RAI1: variants seen among roughly 807,000 people sequenced by gnomAD.
The protein encoded by RAI1 is retinoic acid induced 1.
RAI1 carries 9 observed loss-of-function variants against 123.8 expected under a neutral mutation model. The ratio of observed to expected loss-of-function variants is 0.07; its 90% confidence interval spans 0.04 to 0.13. The LOEUF is 0.13. RAI1 is among the 10% of genes least tolerant of loss of function. RAI1 has a pLI of 1.00. For missense variants in RAI1, 2,256 were observed against 2,545.8 expected (o/e 0.89, Z 2.45); for synonymous variants, 1,231 against 1,127.3 (o/e 1.09, Z -1.84).
At chr17:17,782,848 G>T (rs879543531) in intron 2 of RAI1, among the ~76,000 whole-genome samples, 15 of 152,184 alleles carry the variant, frequency 9.9e-5, no homozygotes, top group Non-Finnish European at 1.8e-4. Context: ...TTTTGCTCTC[G>T]GCCTCTGTCC....
Position 17,809,971 on chromosome 17 carries a change from G to A in RAI1, c.5711G>A (p.Arg1904Lys), listed in dbSNP as rs1197598241. 5.8e-6 allele frequency: 9 copies of A among 1,553,622 alleles called. No individual in the cohort carries two copies. Among genetic ancestry groups the A allele is most frequent in the African/African-American group, 2.7e-5 (2 of 73,206 alleles). Residue 1904 changes from arginine to lysine, a missense_variant and splice_region_variant, in exon 6 of 6, where the codon AGG (arginine) becomes AAG (lysine). Physicochemically the swap from Arg to Lys is conservative, Grantham distance 26. This residue lies in a region of RAI1 where 243 missense variants were observed against 316.6 expected (regional missense o/e 0.77). Coordinates refer to ENST00000353383, the MANE Select transcript of RAI1 (RefSeq NM_030665.4). The surrounding 1 kb of genome is among the most constrained non-coding windows in gnomAD (Gnocchi z 4.9). ...CTGGCGGGCGGGCGTCTTTTGCAGA[G>A]GCTGCCGTAGTAATCCACCCCAACG... ...NFSLKCPKHK[R>K]LP
intron 1 of RAI1, among the ~76,000 whole-genome samples, chr17:17,713,394 C>A (rs1458327616): frequency 2.0e-5 from 3 of 152,238 alleles, no homozygotes; most frequent in South Asian, 2.1e-4. Context: ...AATCCCAGTA[C>A]TTTGGGAGGC....
At chr17:17,700,582 C>A (rs540895443) in intron 1 of RAI1, among the ~76,000 whole-genome samples, 1 of 152,172 alleles carries the variant, frequency 6.6e-6, no homozygotes, top group South Asian at 2.1e-4. Flanking sequence ...CAGCTGCGCG[C>A]CGGCCGGGAC....
chr17:17,782,342 G>A (rs1191566270), intron 2 of RAI1: 1 of 152,066 alleles, frequency 6.6e-6, no homozygotes, highest in East Asian at 1.9e-4. Context: ...GCGCTCTCTC[G>A]CCTCGTTCGG....
chr17:17,785,191 AG>A (rs2031782698), intron 2 of RAI1, among the ~76,000 whole-genome samples: 1 of 152,218 alleles, frequency 6.6e-6, no homozygotes. Context: ...TGCAGGCACT[AG>A]GGGCTCTGGA....
intron 2 of RAI1, among the ~76,000 whole-genome samples, chr17:17,740,283 C>T (rs775762496): frequency 6.6e-6 from 1 of 152,144 alleles, no homozygotes; most frequent in South Asian, 2.1e-4. Context: ...GGACCCTGGC[C>T]AGGGGTCCCT....
At chr17:17,702,044 G>A (rs1915240348) in intron 1 of RAI1, among the ~76,000 whole-genome samples, 1 of 152,246 alleles carries the variant, frequency 6.6e-6, no homozygotes, top group African/African-American at 2.4e-5. Context: ...GGAAGGCTGG[G>A]AGAGGCTTCT....
intron 4 of RAI1, among the ~76,000 whole-genome samples, chr17:17,805,099 GA>G (rs2032569890): frequency 6.6e-6 from 1 of 152,120 alleles, no homozygotes; most frequent in South Asian, 2.1e-4. Flanking sequence ...TTGACCTCGT[GA>G]TCCGCCCGCC....
chr17:17,732,054 G>T (rs1390419444), intron 2 of RAI1, among the ~76,000 whole-genome samples: 1 of 151,990 alleles, frequency 6.6e-6, no homozygotes, highest in Non-Finnish European at 1.5e-5. Flanking sequence ...CTTCCTCTCG[G>T]TGAGGCCTCC....
chr17:17,693,983 C>T (rs1292923282), intron 1 of RAI1, among the ~76,000 whole-genome samples: 1 of 152,214 alleles, frequency 6.6e-6, no homozygotes, highest in African/African-American at 2.4e-5. Flanking sequence ...CTAATCTGGG[C>T]AGTCATTCAC....
At chr17:17,754,219 T>G (rs908229325) in intron 2 of RAI1, among the ~76,000 whole-genome samples, 5 of 146,842 alleles carry the variant, frequency 3.4e-5, no homozygotes, top group African/African-American at 1.3e-4. Flanking sequence ...TTTTTTTTTT[T>G]TTGAGACAGA....
chr17:17,734,656 C>CCTGGTGCACCAGA (rs1916368428), intron 2 of RAI1, among the ~76,000 whole-genome samples: 1 of 152,210 alleles, frequency 6.6e-6, no homozygotes, highest in Non-Finnish European at 1.5e-5. Flanking sequence ...GTGTCAGGGA[C>CCTGGTGCACCAGA]GGACCTGGTG....
chr17:17,724,099 G>T lies in RAI1; in HGVS notation c.-77G>T, dbSNP rs1212255407. The T allele has an allele frequency of 6.0e-5, 9 of 150,226 alleles. No individual in the cohort carries two copies. In the Admixed American group the frequency reaches 6.0e-4, roughly 10 times the overall value. The allele number at this position is 150,226 out of a possible 1,614,324, so 9.3% of individuals were successfully genotyped here. Reference sequence around the variant, plus strand: ...TGCGCGAGAGGAGAGAGACGGCGGGGGAAAGGGAGACGGCGAGACGCGCAG... The same window carrying T: ...TGCGCGAGAGGAGAGAGACGGCGGGTGAAAGGGAGACGGCGAGACGCGCAG... On this transcript the variant is annotated 5_prime_UTR_variant, in exon 2 of 6. Transcript: ENST00000353383.
intron 2 of RAI1, among the ~76,000 whole-genome samples, chr17:17,772,897 G>A (rs936563578): frequency 1.3e-5 from 2 of 152,170 alleles, no homozygotes; most frequent in Non-Finnish European, 2.9e-5. Flanking sequence ...GTATGTGCAA[G>A]GGTGGATGGG....
rs2032295995 is a variant in RAI1, at chr17:17,797,307, A to C, written c.4359A>C (p.Ala1453=). 1.2e-6 allele frequency: 2 copies of C among 1,612,606 alleles called. No homozygotes were observed. Among genetic ancestry groups the C allele is most frequent in the Non-Finnish European group, 1.7e-6 (2 of 1,179,902 alleles). ...APKKRSRKGR[A]GAHGLSKGPL... ...AGAAGAGGAGCCGGAAAGGCCGGGCAGGGGCCCATGGACTCTCCAAAGGCC... is the reference window on the plus strand; with the variant it reads ...AGAAGAGGAGCCGGAAAGGCCGGGCCGGGGCCCATGGACTCTCCAAAGGCC... The change falls in exon 3 of 6, where the codon GCA becomes GCC. Residue 1453 remains alanine, a synonymous_variant. Coordinates refer to ENST00000353383, the MANE Select transcript of RAI1 (RefSeq NM_030665.4).
chr17:17,717,747 G>A (rs561720355), intron 1 of RAI1, among the ~76,000 whole-genome samples: 8 of 152,268 alleles, frequency 5.3e-5, no homozygotes, highest in African/African-American at 1.4e-4. Flanking sequence ...AGACGCTGGC[G>A]CTGAGGAAGG....
chr17:17,764,649 T>C (rs1040093809), intron 2 of RAI1, among the ~76,000 whole-genome samples: 5 of 152,122 alleles, frequency 3.3e-5, no homozygotes, highest in African/African-American at 9.7e-5. Context: ...ATTTTTGTAT[T>C]TTTAGGGTTT....
At position 17,796,198 on chromosome 17, in the gene RAI1, C is replaced by G. The variant is rs768061482; in HGVS notation, c.3250C>G (p.Leu1084Val). The G allele has an allele frequency of 1.3e-6, 2 of 1,554,782 alleles. No individual in the cohort carries two copies. The highest frequency in any genetic ancestry group is 1.7e-6 in the Non-Finnish European group (2 of 1,149,908). ...CACCACCCCTGCACCCCCAGACAAA[C>G]TGGGGGGCAAGCAGCGAGCCGCCTT... Reference protein sequence around the residue: ...LTTTPAPPDKLGGKQRAAFKS... With the variant: ...LTTTPAPPDKVGGKQRAAFKS... Residue 1084 changes from leucine (L) to valine (V), a missense_variant, in exon 3 of 6, where the codon CTG (leucine) becomes GTG (valine). By Grantham distance (32) the Leu-to-Val change is conservative. Around this residue, in one of 7 missense-constraint regions of RAI1, gnomAD observed 566 missense variants for 616.0 expected, o/e 0.92. Transcript: ENST00000353383. This position sits in a 1 kb window ranked among gnomAD's most constrained non-coding sequence, Gnocchi z 5.8.
chr17:17,803,812 C>T lies in RAI1; in HGVS notation c.5622C>T (p.Cys1874=). ...GATIGCCHKG[C]LHTYHYPCAS... Reference sequence around the variant, plus strand: ...CCATTGGGTGCTGCCACAAAGGATGCCTCCACACCTACCACTACCCGTGTG... The same window carrying T: ...CCATTGGGTGCTGCCACAAAGGATGTCTCCACACCTACCACTACCCGTGTG... The change falls in exon 4 of 6, where the codon TGC becomes TGT. Residue 1874 remains cysteine, a synonymous_variant. Coordinates refer to ENST00000353383, the MANE Select transcript of RAI1 (RefSeq NM_030665.4). 6.2e-7 allele frequency: 1 copy of T among 1,613,554 alleles called. No individual in the cohort carries two copies. Among genetic ancestry groups the T allele is most frequent in the Non-Finnish European group, 8.5e-7 (1 of 1,180,006 alleles).
Sources: gnomAD v4.1 joint callset for allele counts (sites outside exome capture counted in the v4.1 genomes callset) on GRCh38, gnomAD v4.1.1 for gene constraint, gnomAD v4.1.1 regional missense constraint, Gnocchi (gnomAD v3.1) non-coding constraint, MANE v1.5 for transcripts, NCBI Gene and HGNC (gene_info 2026-07-23, HGNC 2026-07-21) for gene names.